RUNX1T1: variants seen among roughly 807,000 people sequenced by gnomAD.
RUNX1T1 encodes RUNX1 partner transcriptional co-repressor 1.
Under a neutral mutation model 62.8 loss-of-function variants are expected in RUNX1T1, and 4 were observed. The observed-to-expected ratio is 0.06, with a 90% confidence interval of 0.03 to 0.15. RUNX1T1 has a LOEUF of 0.15. Ranked by LOEUF, RUNX1T1 falls within the 10% of genes least tolerant of loss-of-function variation. The pLI is 1.00. For missense variants in RUNX1T1, 508 were observed against 754.3 expected (o/e 0.67, Z 3.82); for synonymous variants, 291 against 286.0 (o/e 1.02, Z -0.18).
intron 9 of RUNX1T1, among the ~76,000 whole-genome samples, chr8:91,975,366 AG>A (rs1171660059): frequency 6.6e-6 from 1 of 152,190 alleles, no homozygotes; most frequent in Admixed American, 6.5e-5. Context: ...TCACTTAAAG[AG>A]TAATTTAGCT....
At chr8:92,001,065 C>T (rs1168729614) in intron 5 of RUNX1T1, among the ~76,000 whole-genome samples, 1 of 152,050 alleles carries the variant, frequency 6.6e-6, no homozygotes, top group Non-Finnish European at 1.5e-5. Context: ...GTGGTGCATA[C>T]CTGTAGTCCT....
chr8:92,065,805 T>G (rs1486835859), upstream of RUNX1T1, among the ~76,000 whole-genome samples: 1 of 152,210 alleles, frequency 6.6e-6, no homozygotes, highest in Non-Finnish European at 1.5e-5. Flanking sequence ...TCCACAGGTC[T>G]TCTCAACTTT....
At chr8:91,996,019 T>C (rs1818593613) in intron 5 of RUNX1T1, among the ~76,000 whole-genome samples, 1 of 152,158 alleles carries the variant, frequency 6.6e-6, no homozygotes, top group African/African-American at 2.4e-5. Context: ...GAACTCCATA[T>C]TTGCATTCTT....
At chr8:92,060,371 C>A (rs1831715211) in intron 1 of RUNX1T1, among the ~76,000 whole-genome samples, 2 of 150,612 alleles carry the variant, frequency 1.3e-5, no homozygotes, top group African/African-American at 4.9e-5. Flanking sequence ...TTTTACTTAC[C>A]CACCCCCAAA....
chr8:92,035,310 A>G (rs529403323), intron 1 of RUNX1T1, among the ~76,000 whole-genome samples: 2 of 149,278 alleles, frequency 1.3e-5, no homozygotes, highest in East Asian at 2.0e-4. Flanking sequence ...AAAAAAAAAA[A>G]TAAGAGTGGG....
At chr8:92,098,868 C>G (rs1326642360) in intron 1 of RUNX1T1, among the ~76,000 whole-genome samples, 1 of 152,156 alleles carries the variant, frequency 6.6e-6, no homozygotes, top group African/African-American at 2.4e-5. Context: ...ACAGAGATAA[C>G]CTGCTCTGTC....
chr8:92,046,754 C>T (rs996836898), intron 1 of RUNX1T1, among the ~76,000 whole-genome samples: 2 of 152,120 alleles, frequency 1.3e-5, no homozygotes, highest in African/African-American at 2.4e-5. Context: ...AGTTTAAAAG[C>T]ACTAAAACAT....
chr8:91,985,199 G>C lies in RUNX1T1; in HGVS notation c.1198+925C>G, dbSNP rs538643816. 4.6e-5 allele frequency among the ~76,000 whole-genome samples: 7 copies of C among 152,230 alleles called. No individual in the cohort carries two copies. The South Asian group carries it at 1.4e-3, about 32-fold the overall frequency. ...GGCCAACGCATAAGATAATATGAGA[G>C]AACAAGAATCCACAGAAATCCACCT... is the stretch of plus-strand genomic sequence containing the variant. On this transcript the variant is annotated intron_variant, in intron 8 of 10. Transcript: ENST00000396218.
intron 1 of RUNX1T1, among the ~76,000 whole-genome samples, chr8:92,092,860 A>G (rs1457258383): frequency 6.6e-6 from 1 of 151,774 alleles, no homozygotes; most frequent in Non-Finnish European, 1.5e-5. Context: ...TTTTTTTTTT[A>G]TTTTTTTGTT....
chr8:92,034,733 T>TACATGTATATAC (rs1826958225), intron 1 of RUNX1T1, among the ~76,000 whole-genome samples: 1 of 150,640 alleles, frequency 6.6e-6, no homozygotes, highest in Admixed American at 6.7e-5. Context: ...TACACACGTA[T>TACATGTATATAC]ACATATATAT....
At chr8:91,969,362 A>G (rs958746233) in intron 10 of RUNX1T1, among the ~76,000 whole-genome samples, 1 of 152,306 alleles carries the variant, frequency 6.6e-6, no homozygotes, top group South Asian at 2.1e-4. Flanking sequence ...AACATACCTA[A>G]CAGCCCTAAA....
At chr8:92,008,924 T>C (rs80246599) in intron 4 of RUNX1T1, among the ~76,000 whole-genome samples, 2,095 of 152,314 alleles carry the variant, frequency 0.014, 48 homozygotes, top group African/African-American at 0.047. Context: ...TAAGAAAAGA[T>C]GCTGTATCTA....
At chr8:92,047,575 C>G (rs1032121391) in intron 1 of RUNX1T1, among the ~76,000 whole-genome samples, 28 of 152,118 alleles carry the variant, frequency 1.8e-4, no homozygotes, top group African/African-American at 6.5e-4. Flanking sequence ...TTCACTGATT[C>G]ATCCCAGTAA....
At chr8:92,034,097 T>C (rs1460791622) in intron 1 of RUNX1T1, among the ~76,000 whole-genome samples, 1 of 152,146 alleles carries the variant, frequency 6.6e-6, no homozygotes, top group African/African-American at 2.4e-5. Context: ...CGGAGTTATC[T>C]ATAGCGGTTG....
At chr8:92,093,984 C>T (rs2130924341) in intron 1 of RUNX1T1, among the ~76,000 whole-genome samples, 1 of 152,284 alleles carries the variant, frequency 6.6e-6, no homozygotes, top group East Asian at 1.9e-4. Context: ...CTGAAAGATT[C>T]CAGGCTGTCC....
chr8:92,070,629 C>T (rs1833533264), intron 2 of RUNX1T1, among the ~76,000 whole-genome samples: 1 of 152,012 alleles, frequency 6.6e-6, no homozygotes, highest in Non-Finnish European at 1.5e-5. Flanking sequence ...ATATGCAAAA[C>T]AAGTTTTTAA....
intron 5 of RUNX1T1, among the ~76,000 whole-genome samples, chr8:91,996,080 C>T (rs574720646): frequency 5.3e-5 from 8 of 152,302 alleles, no homozygotes; most frequent in African/African-American, 1.9e-4. Context: ...TTTTCATTGT[C>T]CCATACCAGT....
exon 11 of RUNX1T1, chr8:91,959,456 G>GTATATATA (rs1418685074): frequency 2.9e-4 from 35 of 121,032 alleles, no homozygotes; most frequent in African/African-American, 2.6e-3. Flanking sequence ...GTGTGTGTGT[G>GTATATATA]TGTGTGTGTG....
chr8:92,081,971 C>T (rs554767656), intron 1 of RUNX1T1, among the ~76,000 whole-genome samples: 5 of 152,054 alleles, frequency 3.3e-5, no homozygotes, highest in Non-Finnish European at 5.9e-5. Context: ...CTGCAAGCTC[C>T]GCCTCCCAGG....
Sources: gnomAD v4.1 joint callset for allele counts (sites outside exome capture counted in the v4.1 genomes callset) on GRCh38, gnomAD v4.1.1 for gene constraint, MANE v1.5 for transcripts, NCBI Gene and HGNC (gene_info 2026-07-23, HGNC 2026-07-21) for gene names.